Variants in AMBRA1 observed in about 807,000 individuals in gnomAD.
AMBRA1 encodes autophagy and beclin 1 regulator 1, also known as activating molecule in BECN1-regulated autophagy protein 1.
AMBRA1 carries 47 observed loss-of-function variants against 125.4 expected under a neutral mutation model. The observed-to-expected ratio is 0.37, with a 90% CI of 0.30 to 0.48. The LOEUF (loss-of-function observed/expected upper bound fraction) is 0.48, where lower values mean the gene tolerates loss of function less well. Ranked by LOEUF, AMBRA1 falls within the 20% of genes least tolerant of loss-of-function variation. The pLI is 0.99. For synonymous variants in AMBRA1, 626 were observed against 655.5 expected, an observed-to-expected ratio of 0.95 and a Z score of 0.69; for missense variants, 1,331 against 1,693.4, an observed-to-expected ratio of 0.79 and a Z score of 3.76.
chr11:46,512,406 CTGAA>C (rs1951294009), intron 8 of AMBRA1, among the ~76,000 whole-genome samples: 1 of 152,198 alleles, frequency 6.6e-6, no homozygotes, highest in Non-Finnish European at 1.5e-5. Context: ...GGCTGTCCAT[CTGAA>C]TGACAACAGC....
chr11:46,542,571 A>G lies in AMBRA1; in HGVS notation c.1446T>C (p.Asp482=), dbSNP rs765490880. ...FPASGLATES[D]GGNGSSQNNS... Reference sequence around the variant, plus strand: ...TGTTTTGGCTGGAGCCATTCCCTCCATCTGACTCAGTTGCCAACCCTGATG... The same window carrying G: ...TGTTTTGGCTGGAGCCATTCCCTCCGTCTGACTCAGTTGCCAACCCTGATG... Residue 482 remains aspartate, a synonymous_variant, in exon 7 of 18, where the codon GAT becomes GAC. Coordinates refer to ENST00000683756, the MANE Select transcript of AMBRA1 (RefSeq NM_001387011.1). The surrounding 1 kb of genome is among the most constrained non-coding windows in gnomAD (Gnocchi z 5.9). The G allele has an allele frequency of 2.5e-6, 4 of 1,613,488 alleles. No homozygotes were observed. The highest frequency in any genetic ancestry group is 1.1e-5 in the South Asian group (1 of 91,074).
chr11:46,435,207 G>T (rs770967673), intron 12 of AMBRA1, among the ~76,000 whole-genome samples, 170 bp from the exon 13 acceptor site: 12 of 152,154 alleles, frequency 7.9e-5, no homozygotes, highest in Admixed American at 2.0e-4. Context: ...AACACAGGAG[G>T]CAAGAAAAGT....
At chr11:46,526,491 GA>G (rs1210926249) in intron 7 of AMBRA1, among the ~76,000 whole-genome samples, 1 of 143,890 alleles carries the variant, frequency 6.9e-6, no homozygotes, top group Non-Finnish European at 1.5e-5. Flanking sequence ...TGCTATGTAA[GA>G]AGTCTGCTAT....
intron 7 of AMBRA1, among the ~76,000 whole-genome samples, chr11:46,526,735 A>AC (rs34148812): frequency 1.1e-4 from 12 of 111,688 alleles, no homozygotes; most frequent in South Asian, 2.9e-4. Flanking sequence ...CCACACACAC[A>AC]AAAAAAAACC....
chr11:46,512,600 C>A (rs1365955568), intron 8 of AMBRA1, 127 bp downstream of exon 8: 4 of 680,052 alleles, frequency 5.9e-6, no homozygotes, highest in Non-Finnish European at 7.2e-6. Flanking sequence ...CCACCTGTCT[C>A]AAAACTGTAA....
intron 1 of AMBRA1, among the ~76,000 whole-genome samples, chr11:46,557,097 T>C (rs2043178564): frequency 6.7e-6 from 1 of 149,036 alleles, no homozygotes; most frequent in South Asian, 2.1e-4. Context: ...GATCGTGCCA[T>C]TGTACTCCAG....
At chr11:46,514,453 C>T (rs1438478899) in intron 7 of AMBRA1, among the ~76,000 whole-genome samples, 32 of 152,130 alleles carry the variant, frequency 2.1e-4, no homozygotes, top group Admixed American at 2.0e-3. Context: ...ACAATGTAAA[C>T]AAGGAGGAAG....
intron 7 of AMBRA1, among the ~76,000 whole-genome samples, chr11:46,535,401 G>C (rs1952422948): frequency 6.6e-6 from 1 of 152,044 alleles, no homozygotes; most frequent in Non-Finnish European, 1.5e-5. Context: ...AACTTAACAA[G>C]GTTCACTCTC....
At chr11:46,412,307 T>C (rs1392058169) in intron 15 of AMBRA1, among the ~76,000 whole-genome samples, 1 of 152,170 alleles carries the variant, frequency 6.6e-6, no homozygotes, top group Admixed American at 6.5e-5. Flanking sequence ...TATACTGTAT[T>C]GCATCTCACT....
intron 7 of AMBRA1, among the ~76,000 whole-genome samples, chr11:46,539,361 C>T (rs1952629740): frequency 6.6e-6 from 1 of 152,088 alleles, no homozygotes; most frequent in Non-Finnish European, 1.5e-5. Context: ...AGTTTGAGAG[C>T]AGCCTGATCA....
chr11:46,567,169 T>G (rs1260603937), intron 1 of AMBRA1, among the ~76,000 whole-genome samples: 1 of 152,110 alleles, frequency 6.6e-6, no homozygotes, highest in Non-Finnish European at 1.5e-5. Context: ...CTTTCCGGAT[T>G]CAAGCTATTC....
In AMBRA1 at chr11:46,493,725, CAT is replaced by C. The variant is rs772827490; in HGVS notation, c.2421-19_2421-18del. 6.3e-7 allele frequency: 1 copy of C among 1,576,570 alleles called. No individual in the cohort carries two copies. Among genetic ancestry groups the C allele is most frequent in the East Asian group, 2.3e-5 (1 of 43,870 alleles). On this transcript the variant is annotated intron_variant, in intron 10 of 17. Transcript: ENST00000683756. ...AAGAAACGCCTACAAGAAGGAATCA[CAT>C]GTGAAAAGCTGACTAAAGACTACCA...
intron 13 of AMBRA1, among the ~76,000 whole-genome samples, chr11:46,434,152 AAT>A (rs1947598603): frequency 1.3e-5 from 2 of 151,164 alleles, no homozygotes; most frequent in African/African-American, 4.9e-5. Flanking sequence ...GAAAGTACTT[AAT>A]AAATGCTAAC....
intron 14 of AMBRA1, among the ~76,000 whole-genome samples, chr11:46,427,349 C>A (rs988601752): frequency 6.6e-6 from 1 of 152,162 alleles, no homozygotes; most frequent in African/African-American, 2.4e-5. Context: ...CATCATTAGT[C>A]TCTGTAAGGA....
At chr11:46,445,281 A>T (rs902491520) in intron 11 of AMBRA1, among the ~76,000 whole-genome samples, 1 of 152,128 alleles carries the variant, frequency 6.6e-6, no homozygotes, top group Non-Finnish European at 1.5e-5. Context: ...AATACCCACA[A>T]AACAAGACAT....
At chr11:46,491,125 A>G (rs933771568) in intron 11 of AMBRA1, 1 of 152,218 alleles carries the variant, frequency 6.6e-6, no homozygotes, top group Non-Finnish European at 1.5e-5. Flanking sequence ...ATAAAAACCT[A>G]TGTCTAGGAA....
At chr11:46,576,874 T>C (rs575144623) in intron 1 of AMBRA1, among the ~76,000 whole-genome samples, 45 of 152,332 alleles carry the variant, frequency 3.0e-4, no homozygotes, top group African/African-American at 9.6e-4. Context: ...CTGAAGATGA[T>C]AGGAAGTTAA....
chr11:46,593,929 G>T lies in AMBRA1; in HGVS notation c.-222C>A. On this transcript the variant is annotated 5_prime_UTR_variant, in exon 1 of 18. Transcript: ENST00000683756. ...AATAAAGGAAGGGGTCCGTTCTACC[G>T]ACCGGCAGGAGAAGGCGGCTTGAGC... The T allele has an allele frequency of 2.5e-6, 1 of 398,586 alleles. No homozygotes were observed. Among genetic ancestry groups the T allele is most frequent in the Non-Finnish European group, 4.4e-6 (1 of 226,094 alleles). 24.7% of individuals were successfully genotyped at this position (398,586 alleles called of 1,614,324 possible).
intron 11 of AMBRA1, among the ~76,000 whole-genome samples, chr11:46,450,395 T>C (rs1409670353): frequency 3.3e-5 from 5 of 151,754 alleles, no homozygotes; most frequent in Admixed American, 6.6e-5. Flanking sequence ...TTGGTAGGGG[T>C]TGGTTTGCAG....
Sources: allele counts gnomAD v4.1 joint callset (sites outside exome capture counted in the v4.1 genomes callset), GRCh38; gene constraint gnomAD v4.1.1; non-coding constraint Gnocchi (gnomAD v3.1); transcripts MANE v1.5; gene names NCBI Gene and HGNC (gene_info 2026-07-23, HGNC 2026-07-21).